Variants in CHD6 observed in about 807,000 individuals in gnomAD.
The protein encoded by CHD6 is chromodomain helicase DNA binding protein 6, also known as ATP-dependent chromatin remodeler CHD6.
CHD6 carries 50 observed loss-of-function variants against 276.9 expected under a neutral mutation model. That is an observed-to-expected ratio of 0.18 (90% CI 0.14 to 0.23). The LOEUF is 0.23. Ranked by LOEUF, CHD6 falls within the 10% of genes least tolerant of loss-of-function variation. The probability of loss-of-function intolerance (pLI) is 1.00; values close to 1 mark genes in which losing one functional copy is unlikely to be tolerated. For missense variants in CHD6, 2,564 were observed against 3,365.8 expected (o/e 0.76, Z 5.89); for synonymous variants, 1,173 against 1,229.3 (o/e 0.95, Z 0.96).
intron 3 of CHD6, among the ~76,000 whole-genome samples, chr20:41,518,076 T>C (rs924191244): frequency 6.6e-6 from 1 of 152,246 alleles, no homozygotes; most frequent in African/African-American, 2.4e-5. Flanking sequence ...AAGGTTTCTT[T>C]GACACAAATT....
chr20:41,487,837 A>G, intron 13 of CHD6, 29 bp from the exon 14 acceptor site: 1 of 1,593,970 alleles, frequency 6.3e-7, no homozygotes, highest in Non-Finnish European at 8.5e-7. Context: ...CATGATGGAC[A>G]GTGCTTGAGC....
At chr20:41,524,573 T>C (rs1320940864) in intron 3 of CHD6, among the ~76,000 whole-genome samples, 3 of 152,208 alleles carry the variant, frequency 2.0e-5, no homozygotes, top group Admixed American at 2.0e-4. Flanking sequence ...ATAAAAAGTA[T>C]AACCCATCCT....
chr20:41,517,915 C>T (rs1182323196), intron 3 of CHD6, among the ~76,000 whole-genome samples: 1 of 152,166 alleles, frequency 6.6e-6, no homozygotes, highest in Non-Finnish European at 1.5e-5. Flanking sequence ...TCCCAGTCTC[C>T]CTTTTAGTAA....
chr20:41,497,849 G>C (rs956532648), intron 7 of CHD6: 26 of 441,142 alleles, frequency 5.9e-5, no homozygotes, highest in East Asian at 1.7e-4. Context: ...TGCTACAGGA[G>C]AGTGGTTCTC....
At chr20:41,413,552 A>G (rs777138667) in intron 34 of CHD6, 37 bp from the exon 35 acceptor site, 1 of 1,426,128 alleles carries the variant, frequency 7.0e-7, no homozygotes, top group Non-Finnish European at 9.4e-7. Context: ...TAATCACGAC[A>G]CAATGAAAAT....
chr20:41,467,988 A>G (rs2042966463), intron 17 of CHD6, among the ~76,000 whole-genome samples: 1 of 151,480 alleles, frequency 6.6e-6, no homozygotes, highest in Non-Finnish European at 1.5e-5. Flanking sequence ...TGTCTGGAAT[A>G]TTCTTCCTTC....
intron 2 of CHD6, among the ~76,000 whole-genome samples, chr20:41,546,924 A>T (rs1202045715): frequency 2.0e-5 from 3 of 152,206 alleles, no homozygotes; most frequent in African/African-American, 7.2e-5. Context: ...CATTACTCCT[A>T]TTATGCCCTT....
rs2044737911 is a variant in CHD6 at position 41,533,326 on chromosome 20, T to C, written c.278A>G (p.Lys93Arg). 1 of 1,614,102 alleles carries C rather than the reference T, an allele frequency of 6.2e-7. No individual in the cohort carries two copies. The highest frequency in any genetic ancestry group is 1.1e-5 in the South Asian group (1 of 91,072). Residue 93 changes from lysine to arginine, a missense_variant, in exon 3 of 37, where the codon AAG becomes AGG. Lys to Arg is a conservative substitution (Grantham distance 26). Coordinates refer to ENST00000373233, the MANE Select transcript of CHD6 (RefSeq NM_032221.5). ...TGGCTCCTTTTTCTTCCGTTTCTTC[T>C]TCACTCCAGTACCTCCTCCTCCACT... ...EDSGGGGTGV[K>R]KKRKKKEPGD...
chr20:41,573,224 C>T (rs371133198), intron 1 of CHD6, among the ~76,000 whole-genome samples: 1 of 152,104 alleles, frequency 6.6e-6, no homozygotes, highest in East Asian at 1.9e-4. Flanking sequence ...CATTCTACTA[C>T]CACCAATCTA....
chr20:41,586,716 C>T (rs1422536199), intron 1 of CHD6, among the ~76,000 whole-genome samples: 8 of 152,174 alleles, frequency 5.3e-5, no homozygotes, highest in Admixed American at 4.6e-4. Flanking sequence ...ACCGTATCAA[C>T]AGACCAAAGG....
At chr20:41,496,687 C>T (rs377261107) in intron 8 of CHD6, 2 of 152,210 alleles carry the variant, frequency 1.3e-5, no homozygotes, top group East Asian at 1.9e-4. Context: ...AGAGCCTTTC[C>T]TTCCCACAAG....
chr20:41,592,390 G>A (rs2045672557), intron 1 of CHD6, among the ~76,000 whole-genome samples: 1 of 152,136 alleles, frequency 6.6e-6, no homozygotes, highest in South Asian at 2.1e-4. Context: ...TAATTTGCTG[G>A]AGTAATAGGT....
intron 1 of CHD6, among the ~76,000 whole-genome samples, chr20:41,603,217 T>C (rs1285180993): frequency 6.6e-6 from 1 of 151,416 alleles, no homozygotes; most frequent in African/African-American, 2.4e-5. Flanking sequence ...GCTGGGTGAG[T>C]GGCAGGTGCC....
chr20:41,608,144 A>T (rs542310521), intron 1 of CHD6, among the ~76,000 whole-genome samples: 1 of 152,240 alleles, frequency 6.6e-6, no homozygotes, highest in South Asian at 2.1e-4. Flanking sequence ...ACCCTAAGTC[A>T]TATAAGCACA....
chr20:41,555,594 C>T (rs6102463), intron 1 of CHD6, among the ~76,000 whole-genome samples: 54,880 of 148,558 alleles, frequency 0.37, 12,382 homozygotes, highest in African/African-American at 0.63. Context: ...CGGGCAGAGA[C>T]GCTCCTCACC....
At chr20:41,608,613 A>G (rs1260897613) in intron 1 of CHD6, among the ~76,000 whole-genome samples, 2 of 152,208 alleles carry the variant, frequency 1.3e-5, no homozygotes, top group Non-Finnish European at 2.9e-5. Context: ...TCAAGGCTTG[A>G]CCACAGATCA....
At chr20:41,420,400 C>A in intron 31 of CHD6, 108 bp downstream of exon 31, 2 of 1,240,164 alleles carry the variant, frequency 1.6e-6, no homozygotes, top group Non-Finnish European at 2.2e-6. Flanking sequence ...GTAGGCAGGT[C>A]TGTTTCAGAA....
intron 16 of CHD6, among the ~76,000 whole-genome samples, chr20:41,478,899 C>T (rs186221215): frequency 3.5e-4 from 54 of 152,288 alleles, no homozygotes; most frequent in Non-Finnish European, 6.2e-4. Context: ...CAGATGTCAA[C>T]GTCAAACCTA....
rs570089338 is a variant in CHD6, at chr20:41,494,084, T to C, written c.1093-140A>G. On this transcript the variant is annotated intron_variant, in intron 8 of 36. Transcript: ENST00000373233. ...GAAAGGGTTTGCTTAAGAATAAAAG[T>C]CACGGCATTTATTCACTGTCTCCAA... is the stretch of plus-strand genomic sequence containing the variant. 4.9e-6 allele frequency: 3 copies of C among 608,482 alleles called. No homozygotes were observed. The African/African-American group carries it at 5.6e-5, about 11-fold the overall frequency. The allele number at this position is 608,482 out of a possible 1,614,324, so 37.7% of individuals were successfully genotyped here. A position where few individuals can be genotyped will look rare whatever the true frequency, so the allele number is the denominator to read the frequency against.
Sources: allele counts gnomAD v4.1 joint callset (sites outside exome capture counted in the v4.1 genomes callset), GRCh38; gene constraint gnomAD v4.1.1; transcripts MANE v1.5; gene names NCBI Gene and HGNC (gene_info 2026-07-23, HGNC 2026-07-21).